Variants in GPR158 observed in about 807,000 individuals in gnomAD.
GPR158 encodes metabotropic glycine receptor.
GPR158 carries 30 observed loss-of-function variants against 78.2 expected under a neutral mutation model. The ratio of observed to expected loss-of-function variants is 0.38; its 90% CI spans 0.29 to 0.52. GPR158 has a LOEUF of 0.52. Ranked by LOEUF, GPR158 falls within the 20% of genes least tolerant of loss-of-function variation. GPR158 has a pLI of 0.83. For missense variants in GPR158, 1,463 were observed against 1,523.5 expected, an observed-to-expected ratio of 0.96 and a Z score of 0.66; for synonymous variants, 581 against 591.1, an observed-to-expected ratio of 0.98 and a Z score of 0.25.
Position 25,295,960 on chromosome 10 carries a change from C to T in GPR158, c.1008+74803C>T, listed in dbSNP as rs547836623. On this transcript the variant is annotated intron_variant, in intron 2 of 10. Coordinates refer to ENST00000376351, the MANE Select transcript of GPR158 (RefSeq NM_020752.3). ...CGCCTTAGATCAGAGACCTCAGAAG[C>T]TGAGATTTCCATAGGTATTCTTGTG... is the stretch of plus-strand genomic sequence containing the variant. 8.6e-5 allele frequency among the ~76,000 whole-genome samples: 13 copies of T among 151,286 alleles called. No individual in the cohort carries two copies. The East Asian group carries it at 2.3e-3, about 27-fold the overall frequency.
chr10:25,354,146 G>T (rs754891529), intron 2 of GPR158, among the ~76,000 whole-genome samples: 5 of 151,956 alleles, frequency 3.3e-5, no homozygotes, highest in Non-Finnish European at 5.9e-5. Flanking sequence ...CTAAGGTCAG[G>T]AGTTCAACAC....
At chr10:25,241,372 CTCTCTTCTCTTCTCTTCTCT>C (rs368885244) in intron 2 of GPR158, among the ~76,000 whole-genome samples, 16 of 102,950 alleles carry the variant, frequency 1.6e-4, no homozygotes, top group Admixed American at 2.2e-4. Flanking sequence ...CTTTTCTTTT[CTCTCTTCTCTTCTCTTCTCT>C]TCTCTTCTCT....
chr10:25,357,657 A>G (rs34393723), intron 2 of GPR158, among the ~76,000 whole-genome samples: 15,164 of 152,040 alleles, frequency 0.1, 1,872 homozygotes, highest in African/African-American at 0.3. Context: ...AGGTTTGGGA[A>G]CCTCTGCCTA....
Position 25,197,136 on chromosome 10 carries a change from C to T in GPR158, c.902+20814C>T, listed in dbSNP as rs1027621499. Among the ~76,000 whole-genome samples the T allele has an allele frequency of 6.6e-5, 10 of 152,300 alleles. No homozygotes were observed. In the East Asian group the frequency reaches 1.9e-3, roughly 29 times the overall value. ...GGGAGGAGGTAGAGAAACATATGATCTGTTCACTATTTTAAACAAGAACGT... is the reference window on the plus strand; with the variant it reads ...GGGAGGAGGTAGAGAAACATATGATTTGTTCACTATTTTAAACAAGAACGT... On this transcript the variant is annotated intron_variant, in intron 1 of 10. Transcript: ENST00000376351.
At chr10:25,358,907 A>G (rs1399429876) in intron 2 of GPR158, among the ~76,000 whole-genome samples, 1 of 152,010 alleles carries the variant, frequency 6.6e-6, no homozygotes, top group Non-Finnish European at 1.5e-5. Flanking sequence ...AGAATGTTCC[A>G]TGTGTACTTA....
intron 4 of GPR158, among the ~76,000 whole-genome samples, chr10:25,419,832 T>A (rs1834722197): frequency 6.6e-6 from 1 of 152,198 alleles, no homozygotes; most frequent in African/African-American, 2.4e-5. Flanking sequence ...ATTCAAGTCT[T>A]TTGCCCATTT....
intron 2 of GPR158, among the ~76,000 whole-genome samples, chr10:25,388,807 T>C (rs971767596): frequency 3.9e-5 from 6 of 152,198 alleles, no homozygotes; most frequent in African/African-American, 1.4e-4. Flanking sequence ...GAAGGCCCCC[T>C]CCCTTGCCCA....
At chr10:25,300,481 C>A (rs1008140495) in intron 2 of GPR158, among the ~76,000 whole-genome samples, 4 of 152,124 alleles carry the variant, frequency 2.6e-5, no homozygotes, top group Non-Finnish European at 5.9e-5. Context: ...CAGCCTAATT[C>A]TTTGCCATGT....
At chr10:25,266,385 A>G (rs2807256) in intron 2 of GPR158, among the ~76,000 whole-genome samples, 48,122 of 152,022 alleles carry the variant, frequency 0.32, 8,575 homozygotes, top group Non-Finnish European at 0.42. Flanking sequence ...TGGGCCCTTT[A>G]CTGTCAAAGA....
chr10:25,294,419 C>A (rs556462424), intron 2 of GPR158, among the ~76,000 whole-genome samples: 1 of 152,086 alleles, frequency 6.6e-6, no homozygotes, highest in Non-Finnish European at 1.5e-5. Flanking sequence ...GTTTGCTCAG[C>A]AAGATAATTT....
chr10:25,222,627 A>G (rs772776284), intron 2 of GPR158, among the ~76,000 whole-genome samples: 2 of 152,108 alleles, frequency 1.3e-5, no homozygotes, highest in African/African-American at 2.4e-5. Flanking sequence ...GTGAATTTCA[A>G]TCGCTTGGCT....
chr10:25,406,601 T>C (rs897880256), intron 3 of GPR158, among the ~76,000 whole-genome samples: 1 of 152,182 alleles, frequency 6.6e-6, no homozygotes, highest in African/African-American at 2.4e-5. Context: ...TAAATGTCTT[T>C]CTTATTGGAA....
chr10:25,349,748 T>C lies in GPR158; in HGVS notation c.1009-46163T>C, dbSNP rs1388256281. ...AATTTCAGGTAGTTCTTAAGAGCAG[T>C]ATGACAATGGATTAATTCACCATGT... On this transcript the variant is annotated intron_variant, in intron 2 of 10. Coordinates refer to ENST00000376351, the MANE Select transcript of GPR158 (RefSeq NM_020752.3). Among the ~76,000 whole-genome samples, 2 of 146,456 alleles carry C rather than the reference T, an allele frequency of 1.4e-5. 1 individual carries two copies. The highest frequency in any genetic ancestry group is 5.5e-5 in the African/African-American group (2 of 36,356).
At chr10:25,243,821 G>A (rs575326995) in intron 2 of GPR158, among the ~76,000 whole-genome samples, 1 of 152,314 alleles carries the variant, frequency 6.6e-6, no homozygotes, top group Admixed American at 6.5e-5. Context: ...GTTTGAAACT[G>A]TGAGTCCTCC....
At chr10:25,221,741 A>G (rs1853302576) in intron 2 of GPR158, among the ~76,000 whole-genome samples, 1 of 152,202 alleles carries the variant, frequency 6.6e-6, no homozygotes, top group Admixed American at 6.5e-5. Flanking sequence ...TGGAAATAAG[A>G]CTATCACTTG....
At chr10:25,193,885 TAAAAAA>T (rs111919496) in intron 1 of GPR158, among the ~76,000 whole-genome samples, 85 of 115,688 alleles carry the variant, frequency 7.3e-4, no homozygotes, top group African/African-American at 2.1e-3. Context: ...GGTAAAGGGG[TAAAAAA>T]AAAAAAAAAA....
intron 5 of GPR158, among the ~76,000 whole-genome samples, chr10:25,540,971 T>C (rs9794162): frequency 0.11 from 7,422 of 64,884 alleles, 260 homozygotes; most frequent in East Asian, 0.24. Flanking sequence ...TATATATATA[T>C]ATATATAAAG....
intron 2 of GPR158, among the ~76,000 whole-genome samples, chr10:25,287,428 C>T (rs1171987986): frequency 6.6e-6 from 1 of 151,956 alleles, no homozygotes; most frequent in Non-Finnish European, 1.5e-5. Flanking sequence ...TGTCCAAAGC[C>T]TTGAAGGATG....
Position 25,312,924 on chromosome 10 carries a change from A to G in GPR158, c.1009-82987A>G, listed in dbSNP as rs190708320. Among the ~76,000 whole-genome samples, 270 of 152,154 alleles carry G rather than the reference A, an allele frequency of 1.8e-3. 1 individual carries two copies. The highest frequency in any genetic ancestry group is 6.0e-3 in the African/African-American group (249 of 41,532). Reference sequence around the variant, plus strand: ...CCCCCATATTTTTGCATTATCAGTAAAAGTATCAGTACAGTAGAAAAAGCA... The same window carrying G: ...CCCCCATATTTTTGCATTATCAGTAGAAGTATCAGTACAGTAGAAAAAGCA... On this transcript the variant is annotated intron_variant, in intron 2 of 10. Coordinates refer to ENST00000376351, the MANE Select transcript of GPR158 (RefSeq NM_020752.3).
Sources: allele counts gnomAD v4.1 joint callset (sites outside exome capture counted in the v4.1 genomes callset), GRCh38; gene constraint gnomAD v4.1.1; transcripts MANE v1.5; gene names NCBI Gene and HGNC (gene_info 2026-07-23, HGNC 2026-07-21).